FBLN5: variants seen among roughly 807,000 people sequenced by gnomAD.
FBLN5 encodes fibulin 5, also known as fibulin-5.
A neutral mutation model predicts 61.6 loss-of-function variants in FBLN5; 24 were observed. The ratio of observed to expected loss-of-function variants is 0.39; its 90% CI spans 0.28 to 0.55. The LOEUF is 0.55. Among genes scored for constraint, FBLN5 ranks in the 20% least tolerant of loss-of-function variants. The pLI is 0.65. For synonymous variants in FBLN5, 213 were observed against 219.8 expected, an observed-to-expected ratio of 0.97 and a Z score of 0.27; for missense variants, 470 against 594.1, an observed-to-expected ratio of 0.79 and a Z score of 2.17.
intron 4 of FBLN5, among the ~76,000 whole-genome samples, chr14:91,925,148 T>G (rs2055806720): frequency 6.6e-6 from 1 of 152,180 alleles, no homozygotes; most frequent in African/African-American, 2.4e-5. Context: ...TGGCTAGATT[T>G]CCACAAATGT....
chr14:91,928,182 G>C (rs1160373048), intron 4 of FBLN5, among the ~76,000 whole-genome samples: 1 of 152,266 alleles, frequency 6.6e-6, no homozygotes, highest in Admixed American at 6.5e-5. Context: ...ACACGCAACA[G>C]AGAAGAGCCA....
At chr14:91,870,708 G>A (rs1888882858) in intron 10 of FBLN5, among the ~76,000 whole-genome samples, 1 of 152,214 alleles carries the variant, frequency 6.6e-6, no homozygotes, top group Non-Finnish European at 1.5e-5. Flanking sequence ...TGTCCATACT[G>A]TCTACCTGAT....
chr14:91,940,528 G>A, intron 3 of FBLN5, 37 bp downstream of exon 3: 1 of 1,561,824 alleles, frequency 6.4e-7, no homozygotes, highest in Non-Finnish European at 8.8e-7. Context: ...TGGGCTGAAT[G>A]CCTCCACCCC....
At chr14:91,945,604 A>G in intron 1 of FBLN5, among the ~76,000 whole-genome samples, 1 of 152,200 alleles carries the variant, frequency 6.6e-6, no homozygotes, top group Non-Finnish European at 1.5e-5. Context: ...CCTCCCTTTC[A>G]GGACACATGG....
chr14:91,883,220 A>T (rs1478998836), intron 7 of FBLN5, 144 bp from the exon 8 acceptor site: 4 of 855,494 alleles, frequency 4.7e-6, no homozygotes, highest in Non-Finnish European at 7.7e-6. Context: ...CTTCTCCAGC[A>T]CTTCTAGCAA....
Position 91,943,023 on chromosome 14 carries a change from G to A in FBLN5, c.18-62C>T, listed in dbSNP as rs2056130762. On this transcript the variant is annotated intron_variant, in intron 1 of 10. Transcript: ENST00000342058. The surrounding 1 kb of genome is among the most constrained non-coding windows in gnomAD (Gnocchi z 4.0). ...CAGATTCAGGTCTAGGGGAGTGTGG[G>A]TCGCATGCGGCCCGTGACGTGTAAC... 9.1e-7 allele frequency: 1 copy of A among 1,102,158 alleles called. No individual in the cohort carries two copies. The highest frequency in any genetic ancestry group is 1.3e-5 in the South Asian group (1 of 75,016). The allele number at this position is 1,102,158 out of a possible 1,614,324, so 68.3% of individuals were successfully genotyped here. A position where few individuals can be genotyped will look rare whatever the true frequency, so the allele number is the denominator to read the frequency against.
rs201624750 is a variant in FBLN5, at chr14:91,914,813, GT to G, written c.380-19742del. On this transcript the variant is annotated intron_variant, in intron 4 of 10. Transcript: ENST00000342058. ...ATATGACTCTGGCAATATCTGTGTG[GT>G]TTTTTTTTTTGTTTTGTTTTGTTTT... 7.7e-3 allele frequency among the ~76,000 whole-genome samples: 1,121 copies of G among 145,060 alleles called. 18 individuals carry two copies. The highest frequency in any genetic ancestry group is 0.024 in the African/African-American group (941 of 39,882).
chr14:91,895,936 CTCTG>C (rs985327423), intron 4 of FBLN5, among the ~76,000 whole-genome samples: 8 of 151,926 alleles, frequency 5.3e-5, no homozygotes, highest in Non-Finnish European at 1.0e-4. Flanking sequence ...TGGGGCTAAT[CTCTG>C]TCTGTCCTCT....
Position 91,881,298 on chromosome 14 carries a change from CT to C in FBLN5, c.982del (p.Ser328ValfsTer78). Reference protein sequence around the residue: ...IRCEEPYLRISDNRCMCPAEN... With the variant: ...IRCEEPYLRIXDNRCMCPAEN... ...GGGGGACGCCGTGACTTACTTATCA[CT>C]GATCCTCAGATAAGGCTCCTCACAG... On this transcript the variant is annotated frameshift_variant, in exon 9 of 11. Coordinates refer to ENST00000342058, the MANE Select transcript of FBLN5 (RefSeq NM_006329.4). LOFTEE classifies it high-confidence loss of function. 6.2e-7 allele frequency: 1 copy of C among 1,614,164 alleles called. No individual in the cohort carries two copies. Among genetic ancestry groups the C allele is most frequent in the East Asian group, 2.2e-5 (1 of 44,884 alleles).
intron 3 of FBLN5, among the ~76,000 whole-genome samples, chr14:91,939,088 T>A (rs940168748): frequency 6.6e-5 from 10 of 152,170 alleles, no homozygotes; most frequent in African/African-American, 2.4e-4. Context: ...TGACGTTAGC[T>A]CAGAGAAGAC....
At chr14:91,916,730 C>T (rs1891212439) in intron 4 of FBLN5, among the ~76,000 whole-genome samples, 1 of 152,146 alleles carries the variant, frequency 6.6e-6, no homozygotes, top group Admixed American at 6.5e-5. Flanking sequence ...CCTTTGTTAT[C>T]TGTCACTGTG....
Position 91,887,304 on chromosome 14 carries a change from C to T in FBLN5, c.628G>A (p.Glu210Lys). 4 of 1,612,252 alleles carry T rather than the reference C, an allele frequency of 2.5e-6. No individual in the cohort carries two copies. Among genetic ancestry groups the T allele is most frequent in the Non-Finnish European group, 3.4e-6 (4 of 1,179,578 alleles). The change falls in exon 7 of 11, where the codon GAG (glutamate) becomes AAG (lysine). Residue 210 changes from glutamate to lysine, a missense_variant. Transcript: ENST00000342058. ...ACGCAGGGGTTCTCGGTGGCACACT[C>T]GTTCACATCTGTGGAAAGCCAAGGC... ...EDGRSCQDVNECATENPCVQT... is the reference protein window; with the variant it reads ...EDGRSCQDVNKCATENPCVQT...
Position 91,882,805 on chromosome 14 carries a change from A to G in FBLN5, c.862+149T>C, listed in dbSNP as rs894918854. On this transcript the variant is annotated intron_variant, in intron 8 of 10. Transcript: ENST00000342058. This position sits in a 1 kb window ranked among gnomAD's most constrained non-coding sequence, Gnocchi z 4.9. Reference sequence around the variant, plus strand: ...AGGCATCCTGCCCAGAGCTGCCACTATGAGAGCCACCAGCACCCACTCACA... The same window carrying G: ...AGGCATCCTGCCCAGAGCTGCCACTGTGAGAGCCACCAGCACCCACTCACA... 3 of 826,368 alleles carry G rather than the reference A, an allele frequency of 3.6e-6. No homozygotes were observed. 51.2% of individuals were successfully genotyped at this position (826,368 alleles called of 1,614,324 possible). A position where few individuals can be genotyped will look rare whatever the true frequency, so the allele number is the denominator to read the frequency against.
At chr14:91,899,529 C>G (rs1890371759) in intron 4 of FBLN5, among the ~76,000 whole-genome samples, 1 of 152,212 alleles carries the variant, frequency 6.6e-6, no homozygotes, top group Admixed American at 6.5e-5. Flanking sequence ...GCACTGGCAC[C>G]TCTCCCTTGA....
intron 4 of FBLN5, among the ~76,000 whole-genome samples, chr14:91,901,686 G>A (rs558861124): frequency 3.9e-4 from 60 of 152,142 alleles, no homozygotes; most frequent in Non-Finnish European, 6.0e-4. Flanking sequence ...TGGAGAACTC[G>A]CTGTCGAATT....
chr14:91,872,766 G>A (rs558806665), intron 10 of FBLN5, among the ~76,000 whole-genome samples: 1 of 152,150 alleles, frequency 6.6e-6, no homozygotes, highest in Non-Finnish European at 1.5e-5. Context: ...CAGCCCTTAC[G>A]AAACCTGAGC....
intron 3 of FBLN5, chr14:91,939,881 G>C: frequency 2.3e-6 from 1 of 441,716 alleles, no homozygotes; most frequent in Non-Finnish European, 4.5e-6. Flanking sequence ...TGGATTTTCT[G>C]GGTGGGCCCG....
intron 4 of FBLN5, among the ~76,000 whole-genome samples, chr14:91,907,497 C>A (rs936085446): frequency 6.6e-6 from 1 of 152,080 alleles, no homozygotes; most frequent in East Asian, 1.9e-4. Flanking sequence ...GGGAACAGCA[C>A]GTGCAAGAGC....
rs1271387931 is a variant in FBLN5, at chr14:91,882,065, G to A, written c.863-647C>T. Among the ~76,000 whole-genome samples, 1 of 152,078 alleles carries A rather than the reference G, an allele frequency of 6.6e-6. No individual in the cohort carries two copies. Among genetic ancestry groups the A allele is most frequent in the Non-Finnish European group, 1.5e-5 (1 of 68,030 alleles). On this transcript the variant is annotated intron_variant, in intron 8 of 10. Coordinates refer to ENST00000342058, the MANE Select transcript of FBLN5 (RefSeq NM_006329.4). This position sits in a 1 kb window ranked among gnomAD's most constrained non-coding sequence, Gnocchi z 4.9. ...CCAGCTACTTGGGAGGCTGAGGCAGGAGAATTGCTTGAACCCGGGAGGCAG... is the reference window on the plus strand; with the variant it reads ...CCAGCTACTTGGGAGGCTGAGGCAGAAGAATTGCTTGAACCCGGGAGGCAG...
Sources: gnomAD v4.1 joint callset for allele counts (sites outside exome capture counted in the v4.1 genomes callset) on GRCh38, gnomAD v4.1.1 for gene constraint, Gnocchi (gnomAD v3.1) non-coding constraint, MANE v1.5 for transcripts, NCBI Gene and HGNC (gene_info 2026-07-23, HGNC 2026-07-21) for gene names.